Variants in MSH3 observed in about 807,000 individuals in gnomAD.
MSH3 encodes DNA mismatch repair protein Msh3.
MSH3 carries 106 observed loss-of-function variants against 123.3 expected under a neutral mutation model. The observed-to-expected ratio is 0.86, with a 90% confidence interval of 0.73 to 1.01. The LOEUF (loss-of-function observed/expected upper bound fraction) is 1.01, where lower values mean the gene tolerates loss of function less well. Ranked by LOEUF, MSH3 falls within the 50% of genes least tolerant of loss-of-function variation. The pLI is 0.00. For missense variants in MSH3, 1,459 were observed against 1,347.6 expected (o/e 1.08, Z -1.29); for synonymous variants, 515 against 481.4 (o/e 1.07, Z -0.91).
At chr5:80,842,282 G>C (rs188709184) in intron 20 of MSH3, among the ~76,000 whole-genome samples, 1 of 152,058 alleles carries the variant, frequency 6.6e-6, no homozygotes, top group Non-Finnish European at 1.5e-5. Flanking sequence ...TTTGGTACCA[G>C]TACCATGCTG....
At chr5:80,815,393 G>GA (rs1440145002) in intron 20 of MSH3, among the ~76,000 whole-genome samples, 3 of 151,790 alleles carry the variant, frequency 2.0e-5, no homozygotes, top group Non-Finnish European at 4.4e-5. Flanking sequence ...AGAGAAAAAA[G>GA]AAAAAAATTA....
Position 80,799,424 on chromosome 5 carries a change from T to A in MSH3, c.2655+6580T>A, listed in dbSNP as rs111463916. ...CCAAACTTTTTCAGCAGTCTGCAGC[T>A]GTTATAAAAATAGTTCTCCCATAAT... is the stretch of plus-strand genomic sequence containing the variant. On this transcript the variant is annotated intron_variant, in intron 19 of 23. Transcript: ENST00000265081. Among the ~76,000 whole-genome samples, 1,431 of 151,138 alleles carry A rather than the reference T, an allele frequency of 9.5e-3. 24 individuals are homozygous for A. Among genetic ancestry groups the A allele is most frequent in the African/African-American group, 0.033 (1,354 of 40,806 alleles).
At chr5:80,863,275 C>T (rs1014307753) in intron 21 of MSH3, among the ~76,000 whole-genome samples, 1 of 152,180 alleles carries the variant, frequency 6.6e-6, no homozygotes. Context: ...CGTGACACAG[C>T]CCTCAGGAGG....
chr5:80,727,889 G>A (rs1246464519), intron 9 of MSH3, among the ~76,000 whole-genome samples: 1 of 152,056 alleles, frequency 6.6e-6, no homozygotes, highest in Non-Finnish European at 1.5e-5. Flanking sequence ...CTTGAACGAA[G>A]ATTTGAATAG....
intron 15 of MSH3, among the ~76,000 whole-genome samples, chr5:80,770,079 A>T (rs957611740): frequency 3.3e-5 from 5 of 152,262 alleles, no homozygotes; most frequent in African/African-American, 9.6e-5. Flanking sequence ...ACTTATGTTT[A>T]TTGTCTGAAC....
At position 80,654,910 on chromosome 5, in the gene MSH3, A is replaced by AGCGCCCGCG; in HGVS notation, c.189_190insGCGGCGCCC (p.Ala61_Pro63dup). On this transcript the variant is annotated inframe_insertion, in exon 1 of 24. Coordinates refer to ENST00000265081, the MANE Select transcript of MSH3 (RefSeq NM_002439.5). ...CGGCTGCAGCGGCCGCAGCGGCCGC[A>AGCGCCCGCG]GCGCCCCCAGCGCCCCCAGCTCCCG... is the stretch of plus-strand genomic sequence containing the variant. 1.3e-6 allele frequency: 2 copies of AGCGCCCGCG among 1,492,044 alleles called. No homozygotes were observed. Among genetic ancestry groups the AGCGCCCGCG allele is most frequent in the Non-Finnish European group, 1.8e-6 (2 of 1,128,424 alleles). The allele number at this position is 1,492,044 out of a possible 1,614,324, so 92.4% of individuals were successfully genotyped here.
intron 12 of MSH3, among the ~76,000 whole-genome samples, chr5:80,754,428 T>G (rs965443039): frequency 1.3e-5 from 2 of 152,120 alleles, no homozygotes; most frequent in African/African-American, 4.8e-5. Flanking sequence ...AGTGACAAGG[T>G]GGCGTTCCCA....
At chr5:80,865,021 C>T (rs1042617021) in intron 22 of MSH3, 79 bp downstream of exon 22, 13 of 1,343,560 alleles carry the variant, frequency 9.7e-6, no homozygotes, top group Non-Finnish European at 1.3e-5. Context: ...CATGAACTTA[C>T]TGCTTATTAA....
intron 2 of MSH3, among the ~76,000 whole-genome samples, chr5:80,661,328 C>T (rs1650683): frequency 0.27 from 41,105 of 151,950 alleles, 5,760 homozygotes; most frequent in Middle Eastern, 0.35. Flanking sequence ...GAGGCTCTTT[C>T]CATTTGTTTT....
chr5:80,710,177 GTTATT>G (rs1750831296), intron 8 of MSH3, among the ~76,000 whole-genome samples: 1 of 152,224 alleles, frequency 6.6e-6, no homozygotes, highest in African/African-American at 2.4e-5. Flanking sequence ...GGTTGCTGCT[GTTATT>G]TTATTACGGG....
chr5:80,784,358 G>A (rs1013528201), intron 17 of MSH3, among the ~76,000 whole-genome samples: 3 of 151,906 alleles, frequency 2.0e-5, no homozygotes, highest in Non-Finnish European at 2.9e-5. Context: ...GGGCAGTTAG[G>A]TCAATGCAAC....
chr5:80,688,096 A>G (rs989300477), intron 8 of MSH3, among the ~76,000 whole-genome samples: 3 of 152,326 alleles, frequency 2.0e-5, no homozygotes, highest in East Asian at 3.9e-4. Context: ...ACTGTATGAC[A>G]TTCAGAAAGA....
chr5:80,873,654 G>C (rs559103309), intron 23 of MSH3, among the ~76,000 whole-genome samples: 1 of 152,080 alleles, frequency 6.6e-6, no homozygotes, highest in Non-Finnish European at 1.5e-5. Context: ...GATATGCAAC[G>C]ATTACATCCA....
intron 20 of MSH3, among the ~76,000 whole-genome samples, chr5:80,818,262 T>C (rs1184512041): frequency 1.3e-5 from 2 of 151,646 alleles, no homozygotes; most frequent in Non-Finnish European, 2.9e-5. Flanking sequence ...TAGATCTAGA[T>C]ACCAATTTAC....
At chr5:80,669,427 A>T (rs191430617) in intron 3 of MSH3, among the ~76,000 whole-genome samples, 23 of 152,320 alleles carry the variant, frequency 1.5e-4, no homozygotes, top group Non-Finnish European at 2.9e-4. Flanking sequence ...TTCTAAATTA[A>T]GTCTAATAAG....
chr5:80,662,641 A>G (rs959362750), intron 2 of MSH3, among the ~76,000 whole-genome samples: 4 of 152,160 alleles, frequency 2.6e-5, no homozygotes, highest in African/African-American at 9.7e-5. Context: ...AGCCTGGCCA[A>G]CATGATGAAA....
intron 8 of MSH3, among the ~76,000 whole-genome samples, chr5:80,718,495 G>GTTTTT: frequency 8.2e-6 from 1 of 122,212 alleles, no homozygotes; most frequent in South Asian, 2.7e-4. Context: ...CTCACCTTTG[G>GTTTTT]TTTTTTTTTT....
At chr5:80,656,314 A>T in intron 1 of MSH3, 97 bp from the exon 2 acceptor site, 2 of 1,497,028 alleles carry the variant, frequency 1.3e-6, no homozygotes, top group Non-Finnish European at 1.9e-6. Context: ...GATGGCAAGG[A>T]ACCTTGTCAT....
chr5:80,872,095 C>T (rs1208693699), intron 22 of MSH3, among the ~76,000 whole-genome samples: 1 of 152,190 alleles, frequency 6.6e-6, no homozygotes, highest in East Asian at 1.9e-4. Flanking sequence ...CTTAGTTAAC[C>T]TGAATATTTA....
Sources: gnomAD v4.1 joint callset for allele counts (sites outside exome capture counted in the v4.1 genomes callset) on GRCh38, gnomAD v4.1.1 for gene constraint, MANE v1.5 for transcripts, NCBI Gene and HGNC (gene_info 2026-07-23, HGNC 2026-07-21) for gene names.